Variants in MALRD1 observed in about 807,000 individuals in gnomAD.
The protein encoded by MALRD1 is MAM and LDL-receptor class A domain-containing protein 1.
MALRD1 carries 247 observed loss-of-function variants against 242.1 expected under a neutral mutation model. That is an observed-to-expected ratio of 1.02 (90% CI 0.92 to 1.13). The LOEUF (loss-of-function observed/expected upper bound fraction) is 1.13. Ranked by LOEUF, MALRD1 falls within the 50% of genes most tolerant of loss-of-function variation. The pLI, the probability that MALRD1 is intolerant of heterozygous loss-of-function variation, is 0.00. For missense variants in MALRD1, 2,989 were observed against 2,533.1 expected (o/e 1.18, Z -3.86); for synonymous variants, 995 against 866.6 (o/e 1.15, Z -2.60).
intron 26 of MALRD1, among the ~76,000 whole-genome samples, chr10:19,354,891 A>G (rs1004897777): frequency 6.6e-6 from 1 of 152,228 alleles, no homozygotes; most frequent in Non-Finnish European, 1.5e-5. Flanking sequence ...TTGTGTATCC[A>G]TAAATATTAA....
intron 38 of MALRD1, among the ~76,000 whole-genome samples, chr10:19,719,213 CACATACAT>C (rs1554830416): frequency 4.7e-5 from 4 of 85,420 alleles, no homozygotes; most frequent in East Asian, 3.3e-4. Flanking sequence ...TATATATATA[CACATACAT>C]ACATATATAT....
At chr10:19,199,213 G>A (rs967402848) in intron 14 of MALRD1, among the ~76,000 whole-genome samples, 3 of 152,186 alleles carry the variant, frequency 2.0e-5, no homozygotes, top group African/African-American at 7.2e-5. Context: ...CAATGTGGTG[G>A]ACTTAACAGC....
At chr10:19,379,600 T>C (rs2130779922) in intron 26 of MALRD1, among the ~76,000 whole-genome samples, 1 of 152,314 alleles carries the variant, frequency 6.6e-6, no homozygotes, top group Admixed American at 6.5e-5. Context: ...GATACCTAAT[T>C]TGATACTGAT....
rs533391914 is a variant in MALRD1, at chr10:19,374,031, C to T, written c.4442-13497C>T. On this transcript the variant is annotated intron_variant, in intron 26 of 39. Transcript: ENST00000454679. ...TGTTTGCGCTGGGAAATTGTTTAAG[C>T]GGCTATTTGTGAGGGGACTTTAAGT... is the stretch of plus-strand genomic sequence containing the variant. Among the ~76,000 whole-genome samples, 20 of 152,288 alleles carry T rather than the reference C, an allele frequency of 1.3e-4. No individual in the cohort carries two copies. The South Asian group carries it at 2.5e-3, about 19-fold the overall frequency.
chr10:19,383,326 T>A (rs1427769583), intron 26 of MALRD1, among the ~76,000 whole-genome samples: 1 of 152,106 alleles, frequency 6.6e-6, no homozygotes, highest in South Asian at 2.1e-4. Flanking sequence ...TCCTGTGTTA[T>A]TTTACTTAGG....
In MALRD1 at chr10:19,352,150, G is replaced by A. The variant is rs1844409140; in HGVS notation, c.4294G>A (p.Gly1432Ser). 35 of 1,550,568 alleles carry A rather than the reference G, an allele frequency of 2.3e-5. No individual in the cohort carries two copies. Among genetic ancestry groups the A allele is most frequent in the Non-Finnish European group, 3.1e-5 (35 of 1,146,950 alleles). ...GCGGAGAGAAGAACTGTCACTGTTT[G>A]GTGATGAAGACTTCCAACTCAAATT... ...FWRREELSLF[G>S]DEDFQLKFEG... The change falls in exon 26 of 40, where the codon GGT becomes AGT. Residue 1432 changes from glycine (G) to serine (S), a missense_variant. Physicochemically the swap from Gly to Ser is moderately conservative, Grantham distance 56. Transcript: ENST00000454679.
At chr10:19,536,417 C>G (rs1049798612) in intron 32 of MALRD1, among the ~76,000 whole-genome samples, 1 of 149,822 alleles carries the variant, frequency 6.7e-6, no homozygotes, top group African/African-American at 2.5e-5. Context: ...TTGTTTCATT[C>G]TTCCAGCAGC....
chr10:19,134,220 G>T (rs57457568), intron 9 of MALRD1, among the ~76,000 whole-genome samples: 12,636 of 152,098 alleles, frequency 0.083, 1,101 homozygotes, highest in African/African-American at 0.22. Context: ...GCACCATGCT[G>T]TGCCCCAGGG....
intron 8 of MALRD1, among the ~76,000 whole-genome samples, 170 bp downstream of exon 8, chr10:19,128,557 T>G (rs1837353477): frequency 6.6e-6 from 1 of 152,168 alleles, no homozygotes; most frequent in African/African-American, 2.4e-5. Flanking sequence ...GGGGACACTC[T>G]CATGTACAAA....
At chr10:19,083,476 T>C (rs546255318) in intron 2 of MALRD1, among the ~76,000 whole-genome samples, 39 of 152,150 alleles carry the variant, frequency 2.6e-4, no homozygotes, top group East Asian at 9.7e-4. Context: ...TCACTAACTG[T>C]TACACACTGC....
At chr10:19,313,974 G>T (rs1339686305) in intron 21 of MALRD1, among the ~76,000 whole-genome samples, 1 of 151,458 alleles carries the variant, frequency 6.6e-6, no homozygotes, top group African/African-American at 2.4e-5. Flanking sequence ...AAATCTAAAA[G>T]CACTCTGATA....
chr10:19,212,624 G>C (rs556363972), intron 18 of MALRD1, among the ~76,000 whole-genome samples: 2 of 152,132 alleles, frequency 1.3e-5, no homozygotes, highest in African/African-American at 2.4e-5. Flanking sequence ...TGCAATGGCT[G>C]AGTCTTACGG....
chr10:19,113,485 CT>C (rs1355333970), intron 5 of MALRD1, among the ~76,000 whole-genome samples: 1 of 151,578 alleles, frequency 6.6e-6, no homozygotes, highest in African/African-American at 2.4e-5. Context: ...TCTCCCTATA[CT>C]CCCCACCTTC....
At chr10:19,495,622 A>T (rs1287881232) in intron 30 of MALRD1, among the ~76,000 whole-genome samples, 1 of 152,146 alleles carries the variant, frequency 6.6e-6, no homozygotes, top group African/African-American at 2.4e-5. Context: ...CTACAAAAAC[A>T]CACCTAAGTA....
intron 4 of MALRD1, among the ~76,000 whole-genome samples, chr10:19,095,722 A>C (rs898501450): frequency 3.3e-5 from 5 of 152,112 alleles, no homozygotes; most frequent in African/African-American, 1.2e-4. Flanking sequence ...GAGCACCAAT[A>C]ATGTATTTAA....
chr10:19,352,412 G>T (rs1171421048), intron 26 of MALRD1, 115 bp downstream of exon 26: 2 of 945,194 alleles, frequency 2.1e-6, no homozygotes, highest in East Asian at 5.3e-5. Context: ...CTTTCATAAA[G>T]AAAATATAAG....
intron 36 of MALRD1, among the ~76,000 whole-genome samples, chr10:19,690,240 C>T (rs1842760409): frequency 6.6e-6 from 1 of 151,832 alleles, no homozygotes; most frequent in South Asian, 2.1e-4. Context: ...TGCTTTTGAC[C>T]CTTACAGTAG....
intron 7 of MALRD1, among the ~76,000 whole-genome samples, chr10:19,126,889 A>G (rs1017848823): frequency 3.3e-5 from 5 of 151,952 alleles, no homozygotes; most frequent in African/African-American, 4.8e-5. Flanking sequence ...TGCATTAGCT[A>G]TTTATCCCAA....
intron 29 of MALRD1, among the ~76,000 whole-genome samples, chr10:19,474,767 C>G (rs1368474075): frequency 6.6e-6 from 1 of 151,984 alleles, no homozygotes; most frequent in Non-Finnish European, 1.5e-5. Flanking sequence ...TCAACATTTC[C>G]TATAAATCAA....
Sources: gnomAD v4.1 joint callset for allele counts (sites outside exome capture counted in the v4.1 genomes callset) on GRCh38, gnomAD v4.1.1 for gene constraint, MANE v1.5 for transcripts, NCBI Gene and HGNC (gene_info 2026-07-23, HGNC 2026-07-21) for gene names.